Variants in MACROD2 observed in about 807,000 individuals in gnomAD.
The protein encoded by MACROD2 is mono-ADP ribosylhydrolase 2.
Under a neutral mutation model 70.4 loss-of-function variants are expected in MACROD2, and 36 were observed. The observed-to-expected ratio is 0.51, with a 90% CI of 0.39 to 0.68. The LOEUF (loss-of-function observed/expected upper bound fraction) is 0.68. Among genes scored for constraint, MACROD2 ranks in the 30% least tolerant of loss-of-function variants. MACROD2 has a pLI of 0.00. For missense variants in MACROD2, 496 were observed against 538.4 expected (o/e 0.92, Z 0.78); for synonymous variants, 172 against 178.8 (o/e 0.96, Z 0.30).
chr20:15,432,627 C>T lies in MACROD2; in HGVS notation c.571+1192C>T, dbSNP rs934156596. Among the ~76,000 whole-genome samples, 7 of 152,162 alleles carry T rather than the reference C, an allele frequency of 4.6e-5. 1 individual carries two copies. Among genetic ancestry groups the T allele is most frequent in the African/African-American group, 9.6e-5 (4 of 41,534 alleles). On this transcript the variant is annotated intron_variant, in intron 7 of 17. Coordinates refer to ENST00000684519, the MANE Select transcript of MACROD2 (RefSeq NM_001351661.2). ...TGGCAAATACCCTAACTCTTTATTT[C>T]GCCTTATGTAGAGTCAAACCAAACT...
chr20:15,278,888 TTGTTTTGCA>T (rs1372555652), intron 6 of MACROD2, among the ~76,000 whole-genome samples: 1 of 152,224 alleles, frequency 6.6e-6, no homozygotes, highest in African/African-American at 2.4e-5. Context: ...ACCTCTGACC[TTGTTTTGCA>T]TGTGTCACAG....
chr20:15,362,538 C>T (rs1289713298), intron 6 of MACROD2, among the ~76,000 whole-genome samples: 1 of 152,018 alleles, frequency 6.6e-6, no homozygotes, highest in Admixed American at 6.6e-5. Flanking sequence ...TCTTTTCCTG[C>T]ATCGATACAA....
chr20:14,432,668 G>C (rs2084007824), intron 3 of MACROD2, among the ~76,000 whole-genome samples: 1 of 152,078 alleles, frequency 6.6e-6, no homozygotes, highest in Non-Finnish European at 1.5e-5. Context: ...ACTAAAAATA[G>C]TTTATCTGGA....
chr20:14,944,869 G>A (rs900706512), intron 5 of MACROD2, among the ~76,000 whole-genome samples: 2 of 151,928 alleles, frequency 1.3e-5, no homozygotes, highest in African/African-American at 2.4e-5. Flanking sequence ...CTGCCTGCCC[G>A]TCCCACAACT....
At chr20:14,281,629 A>C (rs2327843) in intron 3 of MACROD2, among the ~76,000 whole-genome samples, 97,083 of 151,930 alleles carry the variant, frequency 0.64, 32,270 homozygotes, top group Non-Finnish European at 0.74. Flanking sequence ...TATGTGAGTT[A>C]TATCTCAATT....
At chr20:15,165,904 G>T (rs2145880646) in intron 5 of MACROD2, among the ~76,000 whole-genome samples, 1 of 152,058 alleles carries the variant, frequency 6.6e-6, no homozygotes, top group South Asian at 2.1e-4. Flanking sequence ...CAATCAACTG[G>T]TAAATGCAAT....
At chr20:14,331,798 G>A (rs574361439) in intron 3 of MACROD2, among the ~76,000 whole-genome samples, 42 of 152,144 alleles carry the variant, frequency 2.8e-4, no homozygotes, top group African/African-American at 9.9e-4. Context: ...CCCTTTCTGA[G>A]CTGGATCTAC....
At chr20:14,666,926 T>C (rs1412155522) in intron 4 of MACROD2, among the ~76,000 whole-genome samples, 1 of 151,688 alleles carries the variant, frequency 6.6e-6, no homozygotes, top group African/African-American at 2.4e-5. Flanking sequence ...GTGACCTGAC[T>C]TTCAACTTGT....
intron 5 of MACROD2, among the ~76,000 whole-genome samples, chr20:14,814,328 A>G (rs1433528290): frequency 6.6e-6 from 1 of 152,126 alleles, no homozygotes; most frequent in Admixed American, 6.6e-5. Flanking sequence ...ATGAAGAGGA[A>G]TAAGAGACAG....
chr20:14,575,774 T>A lies in MACROD2; in HGVS notation c.301+82266T>A, dbSNP rs187423562. ...CTTAGAGCTTTATTTGGATGAAGGA[T>A]GTATTAAATGTAATTTTAAAAAGAA... On this transcript the variant is annotated intron_variant, in intron 4 of 17. Transcript: ENST00000684519. Among the ~76,000 whole-genome samples the A allele has an allele frequency of 1.8e-4, 28 of 152,312 alleles. No homozygotes were observed. The East Asian group carries it at 5.4e-3, about 29-fold the overall frequency.
chr20:14,910,031 A>T (rs926317996), intron 5 of MACROD2, among the ~76,000 whole-genome samples: 6 of 152,172 alleles, frequency 3.9e-5, no homozygotes, highest in Non-Finnish European at 8.8e-5. Context: ...ATACTCACTT[A>T]GCCTCATCAA....
chr20:15,657,897 G>A (rs2049755549), intron 8 of MACROD2, among the ~76,000 whole-genome samples: 1 of 152,160 alleles, frequency 6.6e-6, no homozygotes, highest in African/African-American at 2.4e-5. Context: ...TGAGGCTGAG[G>A]CAGGAGAATC....
At chr20:14,528,111 C>CTTTTTT (rs5840621) in intron 4 of MACROD2, among the ~76,000 whole-genome samples, 1 of 141,656 alleles carries the variant, frequency 7.1e-6, no homozygotes, top group Non-Finnish European at 1.5e-5. Context: ...ACTGTCTACA[C>CTTTTTT]TTTTTTTTTT....
intron 8 of MACROD2, among the ~76,000 whole-genome samples, chr20:15,567,101 GT>G (rs760245453): frequency 4.0e-5 from 6 of 149,424 alleles, no homozygotes; most frequent in South Asian, 2.1e-4. Flanking sequence ...CTATTGTGGG[GT>G]TTTTTTTTTC....
rs1170338170 is a variant in MACROD2, at chr20:14,104,348, G to A, written c.271+18620G>A. On this transcript the variant is annotated intron_variant, in intron 3 of 17. Coordinates refer to ENST00000684519, the MANE Select transcript of MACROD2 (RefSeq NM_001351661.2). ...GCCAAGAGGCATTGGTGTTGGGGTG[G>A]GACTTGAGGAGCAACACACGCTGAA... Among the ~76,000 whole-genome samples, 4 of 152,134 alleles carry A rather than the reference G, an allele frequency of 2.6e-5. No individual in the cohort carries two copies. The East Asian group carries it at 7.7e-4, about 29-fold the overall frequency.
Position 14,987,661 on chromosome 20 carries a change from C to T in MACROD2, c.419-242279C>T, listed in dbSNP as rs149231293. Among the ~76,000 whole-genome samples the T allele has an allele frequency of 2.8e-3, 426 of 152,090 alleles. 3 individuals are homozygous for T. The highest frequency in any genetic ancestry group is 9.8e-3 in the African/African-American group (406 of 41,478). ...TGCTGTGGAATATGTTATAAAGGAA[C>T]AAAAAATTACTTTACTCTGTAGACA... On this transcript the variant is annotated intron_variant, in intron 5 of 17. Transcript: ENST00000684519.
chr20:15,212,879 C>T (rs1429725762), intron 5 of MACROD2, among the ~76,000 whole-genome samples: 4 of 152,132 alleles, frequency 2.6e-5, no homozygotes, highest in African/African-American at 9.7e-5. Context: ...TTTTCTCCAC[C>T]CCTACTCCAT....
chr20:15,141,689 ACTT>A (rs2076193483), intron 5 of MACROD2, among the ~76,000 whole-genome samples: 1 of 151,868 alleles, frequency 6.6e-6, no homozygotes, highest in South Asian at 2.1e-4. Context: ...AGAATAAACC[ACTT>A]CTTAATATTC....
intron 6 of MACROD2, among the ~76,000 whole-genome samples, chr20:15,426,474 A>G (rs1035430534): frequency 6.6e-6 from 1 of 152,086 alleles, no homozygotes; most frequent in Non-Finnish European, 1.5e-5. Flanking sequence ...CCTCCTGAGT[A>G]GCTGGGACTA....
Sources: allele counts gnomAD v4.1 joint callset (sites outside exome capture counted in the v4.1 genomes callset), GRCh38; gene constraint gnomAD v4.1.1; transcripts MANE v1.5; gene names NCBI Gene and HGNC (gene_info 2026-07-23, HGNC 2026-07-21).